PLEKHA5: variants seen among roughly 807,000 people sequenced by gnomAD.
The protein encoded by PLEKHA5 is pleckstrin homology domain-containing family A member 5.
In PLEKHA5, 55 loss-of-function variants were observed where a neutral mutation model predicts 181.9. The observed-to-expected ratio is 0.30, with a 90% CI of 0.24 to 0.38. The LOEUF is 0.38. PLEKHA5 is among the 10% of genes least tolerant of loss of function. The probability of loss-of-function intolerance (pLI) is 1.00; values close to 1 mark genes in which losing one functional copy is unlikely to be tolerated. For synonymous variants in PLEKHA5, 535 were observed against 529.4 expected (o/e 1.01, Z -0.15); for missense variants, 1,432 against 1,549.5 (o/e 0.92, Z 1.27).
At chr12:19,281,072 G>T (rs2076018498) in intron 11 of PLEKHA5, among the ~76,000 whole-genome samples, 1 of 151,710 alleles carries the variant, frequency 6.6e-6, no homozygotes, top group South Asian at 2.1e-4. Context: ...AGTTACGTTT[G>T]GGAAAAATAA....
chr12:19,239,567 T>C (rs1386035076), intron 3 of PLEKHA5, among the ~76,000 whole-genome samples: 1 of 152,242 alleles, frequency 6.6e-6, no homozygotes, highest in African/African-American at 2.4e-5. Context: ...CTGGGCCTTT[T>C]CAGAGTTTTA....
chr12:19,300,036 T>C (rs2081033289), intron 15 of PLEKHA5, among the ~76,000 whole-genome samples: 2 of 152,126 alleles, frequency 1.3e-5, no homozygotes, highest in African/African-American at 4.8e-5. Context: ...GTAGTGCCTG[T>C]TCAACCTTAC....
chr12:19,201,717 A>G (rs1265824199), intron 3 of PLEKHA5: 1 of 152,156 alleles, frequency 6.6e-6, no homozygotes, highest in African/African-American at 2.4e-5. Flanking sequence ...GACACAGACT[A>G]CACATTGTAT....
rs765934843 is a variant in PLEKHA5, at chr12:19,366,079, G to A, written c.3724G>A (p.Glu1242Lys). The change falls in exon 30 of 32, where the codon GAG (glutamate) becomes AAG (lysine). Residue 1242 changes from glutamate (E) to lysine (K), a missense_variant. This residue lies in a region of PLEKHA5 where 1,143 missense variants were observed against 1,168.4 expected (regional missense o/e 0.98). Transcript: ENST00000429027. ...ETVISYESTP[E>K]VSRGNQTMAV... ...TGTTATTTCTTACGAATCAACTCCT[G>A]AGGTTTCTAGAGGAAATCAAACAAT... 7.4e-6 allele frequency: 12 copies of A among 1,611,594 alleles called. No homozygotes were observed. The Admixed American group carries it at 2.0e-4, about 27-fold the overall frequency.
At position 19,299,953 on chromosome 12, in the gene PLEKHA5, C is replaced by T. The variant is rs75291010; in HGVS notation, c.2037+8256C>T. ...TGAAATAATTCCTCCCCCATAAACC[C>T]GTTTCTCCAGCCAGTGACTCACCAT... On this transcript the variant is annotated intron_variant, in intron 15 of 31. Coordinates refer to ENST00000429027, the MANE Select transcript of PLEKHA5 (RefSeq NM_001256470.2). 1.2e-4 allele frequency among the ~76,000 whole-genome samples: 18 copies of T among 152,282 alleles called. 1 individual carries two copies. The East Asian group carries it at 3.1e-3, about 26-fold the overall frequency.
intron 11 of PLEKHA5, among the ~76,000 whole-genome samples, chr12:19,275,640 C>A (rs1020862068): frequency 2.0e-5 from 3 of 152,128 alleles, no homozygotes; most frequent in South Asian, 2.1e-4. Flanking sequence ...GTGGTGCATA[C>A]CTGTAGTACC....
At chr12:19,268,882 C>G (rs2071506548) in intron 8 of PLEKHA5, among the ~76,000 whole-genome samples, 1 of 152,100 alleles carries the variant, frequency 6.6e-6, no homozygotes, top group African/African-American at 2.4e-5. Flanking sequence ...TATTAAGGAA[C>G]AGCTCAAAAA....
chr12:19,136,449 A>C (rs1454706901), intron 3 of PLEKHA5, among the ~76,000 whole-genome samples: 5 of 152,356 alleles, frequency 3.3e-5, no homozygotes, highest in Admixed American at 3.3e-4. Flanking sequence ...TGAGAACGCA[A>C]ATAACTTAGC....
chr12:19,129,913 G>A (rs777644280), intron 1 of PLEKHA5, 25 bp downstream of exon 1: 4 of 1,577,104 alleles, frequency 2.5e-6, no homozygotes, highest in South Asian at 2.3e-5. Context: ...ACGGCACGGG[G>A]GCCCGCGGGG....
At chr12:19,290,856 A>T in intron 14 of PLEKHA5, 60 bp downstream of exon 14, 1 of 1,427,440 alleles carries the variant, frequency 7.0e-7, no homozygotes, top group Admixed American at 2.1e-5. Flanking sequence ...TGAAACACTC[A>T]TCAGTCAATA....
chr12:19,322,667 C>T lies in PLEKHA5; in HGVS notation c.2448C>T (p.Ala816=), dbSNP rs71539465. The change falls in exon 20 of 32, where the codon GCC becomes GCT. Residue 816 remains alanine (A), a splice_region_variant and synonymous_variant. Transcript: ENST00000429027. ...STCRELSRAT[A]ELERAWREYD... ...GTCGAGAACTTTCTCGAGCCACTGC[C>T]GTAAGTAGATTTTTTTTTTCCCCTA... 2,177 of 1,598,516 alleles carry T rather than the reference C, an allele frequency of 1.4e-3. 3 individuals carry two copies. Among genetic ancestry groups the T allele is most frequent in the Middle Eastern group, 3.3e-3 (20 of 5,972 alleles).
chr12:19,364,796 G>A (rs1177085608), intron 29 of PLEKHA5, among the ~76,000 whole-genome samples: 1 of 151,790 alleles, frequency 6.6e-6, no homozygotes, highest in Non-Finnish European at 1.5e-5. Context: ...CTCCCAAGTA[G>A]CTGGGTTTAT....
At chr12:19,207,717 AG>A (rs1430658713) in intron 3 of PLEKHA5, 2 of 152,166 alleles carry the variant, frequency 1.3e-5, no homozygotes, top group African/African-American at 4.8e-5. Context: ...TACTTTTAAA[AG>A]GAAAAACTGT....
At position 19,322,277 on chromosome 12, in the gene PLEKHA5, A is replaced by T. The variant is rs753398035; in HGVS notation, c.2218-33A>T. The T allele has an allele frequency of 2.8e-6, 4 of 1,438,406 alleles. No individual in the cohort carries two copies. The African/African-American group carries it at 5.6e-5, about 20-fold the overall frequency. 89.1% of individuals were successfully genotyped at this position (1,438,406 alleles called of 1,614,324 possible). A position where few individuals can be genotyped will look rare whatever the true frequency, so the allele number is the denominator to read the frequency against. The stretch of plus-strand genomic sequence containing the variant: ...CCTCCAATTACAGAAAAAATAAAAA[A>T]TTGCTAACAAGACATCTTCTCTTAT... On this transcript the variant is annotated intron_variant, in intron 18 of 31. Transcript: ENST00000429027.
intron 11 of PLEKHA5, among the ~76,000 whole-genome samples, chr12:19,281,821 G>A (rs1001678534): frequency 1.3e-5 from 2 of 151,762 alleles, no homozygotes; most frequent in East Asian, 1.9e-4. Flanking sequence ...TCACTCTGTC[G>A]CCCAGGCTGG....
chr12:19,362,427 G>C (rs2153233970), intron 29 of PLEKHA5, among the ~76,000 whole-genome samples: 1 of 151,978 alleles, frequency 6.6e-6, no homozygotes, highest in African/African-American at 2.4e-5. Flanking sequence ...CCAGCTACTT[G>C]GGAGGCTGAG....
At chr12:19,252,024 G>A (rs943394122) in intron 3 of PLEKHA5, among the ~76,000 whole-genome samples, 1 of 152,008 alleles carries the variant, frequency 6.6e-6, no homozygotes, top group Admixed American at 6.6e-5. Context: ...GGCTCTATGT[G>A]CTTCTTAGAC....
intron 3 of PLEKHA5, among the ~76,000 whole-genome samples, chr12:19,241,846 C>A (rs2062680750): frequency 6.6e-6 from 1 of 151,880 alleles, no homozygotes; most frequent in South Asian, 2.1e-4. Flanking sequence ...CCATATGCGC[C>A]TGCACAGTGG....
At position 19,357,251 on chromosome 12, in the gene PLEKHA5, ATTC is replaced by A. The variant is rs1236619970; in HGVS notation, c.3139-974_3139-972del. Among the ~76,000 whole-genome samples the A allele has an allele frequency of 4.2e-5, 5 of 118,054 alleles. No individual in the cohort carries two copies. In the Admixed American group the frequency reaches 5.7e-4, roughly 13 times the overall value. 77.4% of individuals were successfully genotyped at this position (118,054 alleles called of 152,430 possible). A position where few individuals can be genotyped will look rare whatever the true frequency, so the allele number is the denominator to read the frequency against. On this transcript the variant is annotated intron_variant, in intron 26 of 31. Transcript: ENST00000429027. ...GCTCCAGAGCTGCCATATTCTTTAT[ATTC>A]TTTTTTTTTTTTTTTTTTTGAGACA...
Sources: gnomAD v4.1 joint callset for allele counts (sites outside exome capture counted in the v4.1 genomes callset) on GRCh38, gnomAD v4.1.1 for gene constraint, gnomAD v4.1.1 regional missense constraint, MANE v1.5 for transcripts, NCBI Gene and HGNC (gene_info 2026-07-23, HGNC 2026-07-21) for gene names.